Variants in RPSA2 observed in about 807,000 individuals in gnomAD.
The protein encoded by RPSA2 is ribosomal protein SA 2, also known as small ribosomal subunit protein uS2B.
chr19:23,831,916 A>G, the RPSA2 span: 1 of 304,536 alleles, frequency 3.3e-6, no homozygotes, highest in South Asian at 3.8e-5. Context: ...ATCATTTTGC[A>G]TGCTTTCACA....
the RPSA2 span, among the ~76,000 whole-genome samples, chr19:23,850,586 C>T: frequency 3.4e-4 from 51 of 151,196 alleles, no homozygotes; most frequent in Non-Finnish European, 5.3e-4. Context: ...TCAGTATTCA[C>T]ACGAAGTTTA....
chr19:23,864,376 C>T, the RPSA2 span, among the ~76,000 whole-genome samples: 1 of 152,168 alleles, frequency 6.6e-6, no homozygotes. Context: ...CTTTCATTCA[C>T]TTAATCTCAC....
chr19:23,785,574 G>A, the RPSA2 span, among the ~76,000 whole-genome samples: 1 of 152,120 alleles, frequency 6.6e-6, no homozygotes, highest in African/African-American at 2.4e-5. Context: ...TGTCATTGCT[G>A]CCTGTCTTGC....
chr19:23,813,695 C>G, the RPSA2 span, among the ~76,000 whole-genome samples: 2 of 147,730 alleles, frequency 1.4e-5, no homozygotes, highest in African/African-American at 5.0e-5. Context: ...ATAATGGATG[C>G]CTGCTTGTTT....
At chr19:23,859,038 A>C in the RPSA2 span, among the ~76,000 whole-genome samples, 148,962 of 152,288 alleles carry the variant, frequency 0.98, 72,947 homozygotes, top group Middle Eastern at 1. Context: ...TAAACCTCCA[A>C]TCCTAAACCA....
the RPSA2 span, among the ~76,000 whole-genome samples, chr19:23,857,505 TTTG>T: frequency 6.8e-5 from 9 of 132,046 alleles, no homozygotes; most frequent in African/African-American, 2.7e-5. Flanking sequence ...TTTTTTTTTT[TTTG>T]AGATGGAGTT....
the RPSA2 span, among the ~76,000 whole-genome samples, chr19:23,837,731 G>A: frequency 6.6e-6 from 1 of 152,108 alleles, no homozygotes; most frequent in East Asian, 1.9e-4. Flanking sequence ...AAGGGGATGA[G>A]TTCTTGATTT....
the RPSA2 span, among the ~76,000 whole-genome samples, chr19:23,861,771 TGTTG>T: frequency 6.6e-6 from 1 of 152,164 alleles, no homozygotes; most frequent in East Asian, 1.9e-4. Context: ...TAAAATGAGC[TGTTG>T]AATAGCTAGG....
chr19:23,758,915 C>T, the RPSA2 span: 15 of 855,554 alleles, frequency 1.8e-5, no homozygotes, highest in Non-Finnish European at 2.8e-5. Flanking sequence ...ATCCCGGAAG[C>T]CGCCCTGTCT....
At chr19:23,792,162 G>A in the RPSA2 span, among the ~76,000 whole-genome samples, 2 of 152,290 alleles carry the variant, frequency 1.3e-5, no homozygotes, top group South Asian at 2.1e-4. Flanking sequence ...CTGTGTTTGA[G>A]TAATATTGCT....
At chr19:23,761,905 T>C in the RPSA2 span, among the ~76,000 whole-genome samples, 7,580 of 36,884 alleles carry the variant, frequency 0.21, 460 homozygotes, top group Non-Finnish European at 0.23. Context: ...AACGTAATTC[T>C]TTCTTTCTTT....
the RPSA2 span, chr19:23,832,922 C>T: frequency 6.5e-7 from 1 of 1,534,176 alleles, no homozygotes; most frequent in East Asian, 2.5e-5. Flanking sequence ...TTTAACCTGT[C>T]TTCAAGCTTT....
At chr19:23,856,229 A>G in the RPSA2 span, among the ~76,000 whole-genome samples, 51 of 152,182 alleles carry the variant, frequency 3.4e-4, no homozygotes, top group Non-Finnish European at 5.4e-4. Context: ...TACAAGGCCA[A>G]ATCACCCCAA....
chr19:23,832,285 C>T, the RPSA2 span: 48 of 452,888 alleles, frequency 1.1e-4, no homozygotes, highest in East Asian at 2.9e-3. Context: ...TAAGAGAATT[C>T]ATACTAGAGG....
chr19:23,864,606 A>T, the RPSA2 span, among the ~76,000 whole-genome samples: 1 of 152,158 alleles, frequency 6.6e-6, no homozygotes, highest in African/African-American at 2.4e-5. Context: ...TGCTTATTCT[A>T]AAGTTGGCTT....
chr19:23,864,578 TA>T, the RPSA2 span, among the ~76,000 whole-genome samples: 3 of 152,150 alleles, frequency 2.0e-5, no homozygotes, highest in Non-Finnish European at 4.4e-5. Context: ...GGACTCTCCA[TA>T]ATAAGTAGCT....
the RPSA2 span, among the ~76,000 whole-genome samples, chr19:23,860,381 C>A: frequency 3.9e-5 from 6 of 152,176 alleles, no homozygotes; most frequent in Admixed American, 3.3e-4. Flanking sequence ...ATGTATATTT[C>A]TCCTTTCCCA....
At chr19:23,778,447 C>T in the RPSA2 span, among the ~76,000 whole-genome samples, 2 of 152,262 alleles carry the variant, frequency 1.3e-5, no homozygotes, top group East Asian at 1.9e-4. Context: ...TTCCTGACCT[C>T]AGGTTATCTG....
At chr19:23,863,925 G>A in the RPSA2 span, among the ~76,000 whole-genome samples, 7 of 152,262 alleles carry the variant, frequency 4.6e-5, no homozygotes, top group Admixed American at 2.0e-4. Context: ...GAGGCACAAA[G>A]CAAGCTTCAG....
Sources: allele counts gnomAD v4.1 joint callset (sites outside exome capture counted in the v4.1 genomes callset), GRCh38; gene constraint gnomAD v4.1.1; transcripts MANE v1.5; gene names NCBI Gene and HGNC (gene_info 2026-07-23, HGNC 2026-07-21).